ZNF512: variants seen among roughly 807,000 people sequenced by gnomAD.
The protein encoded by ZNF512 is zinc finger protein 512.
A neutral mutation model predicts 77.5 loss-of-function variants in ZNF512; 25 were observed. That is an observed-to-expected ratio of 0.32 (90% CI 0.23 to 0.45). The LOEUF is 0.45. Among genes scored for constraint, ZNF512 ranks in the 20% least tolerant of loss-of-function variants. The pLI, the probability that ZNF512 is intolerant of heterozygous loss-of-function variation, is 1.00. For missense variants in ZNF512, 483 were observed against 692.6 expected, an observed-to-expected ratio of 0.70 and a Z score of 3.40; for synonymous variants, 246 against 239.9, an observed-to-expected ratio of 1.03 and a Z score of -0.24.
intron 6 of ZNF512, among the ~76,000 whole-genome samples, chr2:27,601,078 T>G (rs10187891): frequency 6.6e-6 from 1 of 152,218 alleles, no homozygotes; most frequent in South Asian, 2.1e-4. Flanking sequence ...AAAAACCTTA[T>G]GTAGTCCATG....
rs889652921 is a variant in ZNF512, at chr2:27,623,051, G to C, written c.*1590G>C. On this transcript the variant is annotated 3_prime_UTR_variant, in exon 14 of 14. Transcript: ENST00000355467. ...GTTAATTTCTGGTGAGTAAGACCTGGGGAATGTTTGGCAATGACAAAAGAA... is the reference window on the plus strand; with the variant it reads ...GTTAATTTCTGGTGAGTAAGACCTGCGGAATGTTTGGCAATGACAAAAGAA... The C allele has an allele frequency of 2.6e-5, 4 of 152,752 alleles. No homozygotes were observed. Among genetic ancestry groups the C allele is most frequent in the Admixed American group, 6.5e-5 (1 of 15,286 alleles). The allele number at this position is 152,752 out of a possible 1,614,324, so 9.5% of individuals were successfully genotyped here.
intron 13 of ZNF512, among the ~76,000 whole-genome samples, chr2:27,619,986 A>G (rs915092201): frequency 3.3e-5 from 5 of 152,154 alleles, no homozygotes; most frequent in Non-Finnish European, 5.9e-5. Context: ...TTGATTTTTC[A>G]AATTAGGATC....
At chr2:27,598,935 C>T (rs576884690) in intron 3 of ZNF512, among the ~76,000 whole-genome samples, 3 of 152,114 alleles carry the variant, frequency 2.0e-5, no homozygotes, top group Admixed American at 6.5e-5. Context: ...TGGGTTCAAG[C>T]GATTCTCCTG....
intron 11 of ZNF512, 75 bp from the exon 12 acceptor site, chr2:27,616,187 C>T (rs952922290): frequency 2.9e-6 from 3 of 1,038,854 alleles, no homozygotes; most frequent in Non-Finnish European, 4.4e-6. Context: ...TGGAGTTGGT[C>T]AGTGTAAATG....
intron 13 of ZNF512, 27 bp downstream of exon 13, chr2:27,617,598 T>A (rs745729332): frequency 8.1e-5 from 69 of 848,782 alleles, no homozygotes; most frequent in Non-Finnish European, 1.0e-4. Flanking sequence ...CCTGTGGGCC[T>A]GATATGTAAG....
At chr2:27,596,615 A>T (rs765993072) in intron 2 of ZNF512, among the ~76,000 whole-genome samples, 1 of 152,200 alleles carries the variant, frequency 6.6e-6, no homozygotes, top group Non-Finnish European at 1.5e-5. Flanking sequence ...ACTTCTCCCA[A>T]CTTTGACTCC....
intron 10 of ZNF512, among the ~76,000 whole-genome samples, chr2:27,613,050 C>A (rs1672732230): frequency 6.6e-6 from 1 of 152,150 alleles, no homozygotes; most frequent in South Asian, 2.1e-4. Flanking sequence ...TACTGTGTTC[C>A]CACTTACCTC....
chr2:27,597,979 G>A, intron 2 of ZNF512, 88 bp from the exon 3 acceptor site: 1 of 1,112,086 alleles, frequency 9.0e-7, no homozygotes, highest in Non-Finnish European at 1.3e-6. Context: ...TTTCTGCAGA[G>A]GTAACCAACT....
At chr2:27,588,952 A>G (rs951874590) in intron 2 of ZNF512, among the ~76,000 whole-genome samples, 2 of 152,130 alleles carry the variant, frequency 1.3e-5, no homozygotes, top group African/African-American at 4.8e-5. Flanking sequence ...GTTTGTTCCC[A>G]GGTATATTAT....
intron 10 of ZNF512, among the ~76,000 whole-genome samples, chr2:27,608,895 G>A (rs541873226): frequency 6.6e-6 from 1 of 152,126 alleles, no homozygotes; most frequent in Admixed American, 6.5e-5. Flanking sequence ...TGTATCATGA[G>A]GTCAAGAGAT....
chr2:27,613,021 C>T (rs939118217), intron 10 of ZNF512, among the ~76,000 whole-genome samples: 5 of 152,178 alleles, frequency 3.3e-5, no homozygotes, highest in Middle Eastern at 3.2e-3. Context: ...CTATTCCATT[C>T]CCATTCCCCT....
rs765313875 is a variant in ZNF512 at position 27,621,273 on chromosome 2, A to T, written c.1516A>T (p.Arg506Trp). Residue 506 changes from arginine to tryptophan, a missense_variant, in exon 14 of 14, where the codon AGG (arginine) becomes TGG (tryptophan). Transcript: ENST00000355467. Reference protein sequence around the residue: ...QQHRSRRSLRRRQQPGIELPE... With the variant: ...QQHRSRRSLRWRQQPGIELPE... ...GCACAGGAGCAGAAGGTCTCTAAGA[A>T]GGCGGCAGCAGCCTGGCATTGAGCT... The T allele has an allele frequency of 1.9e-6, 3 of 1,614,244 alleles. No individual in the cohort carries two copies. Among genetic ancestry groups the T allele is most frequent in the Middle Eastern group, 1.6e-4 (1 of 6,062 alleles).
chr2:27,591,671 A>G (rs925479827), intron 2 of ZNF512, among the ~76,000 whole-genome samples: 8 of 152,198 alleles, frequency 5.3e-5, no homozygotes, highest in African/African-American at 1.9e-4. Flanking sequence ...GGCCTCCCAA[A>G]GTGTCGGGAT....
intron 2 of ZNF512, among the ~76,000 whole-genome samples, chr2:27,593,195 TAC>T (rs57568574): frequency 0.22 from 24,476 of 111,818 alleles, 2,531 homozygotes; most frequent in South Asian, 0.24. Flanking sequence ...ACCCTGTCTC[TAC>T]ACACACACAC....
intron 2 of ZNF512, among the ~76,000 whole-genome samples, chr2:27,584,765 GGGA>G (rs1671253874): frequency 6.6e-6 from 1 of 152,198 alleles, no homozygotes; most frequent in Non-Finnish European, 1.5e-5. Flanking sequence ...AAGAGTTAAT[GGGA>G]TAGTAAGTAG....
intron 2 of ZNF512, among the ~76,000 whole-genome samples, chr2:27,597,581 A>T (rs1220517462): frequency 6.6e-6 from 1 of 152,230 alleles, no homozygotes; most frequent in African/African-American, 2.4e-5. Flanking sequence ...TGTTGCCTAA[A>T]TAAGATAGGG....
intron 9 of ZNF512, among the ~76,000 whole-genome samples, chr2:27,603,907 A>T (rs961741887): frequency 6.9e-6 from 1 of 145,274 alleles, no homozygotes; most frequent in African/African-American, 2.6e-5. Context: ...CCATTATTTA[A>T]TTAATTAATT....
At chr2:27,611,500 A>G (rs957832360) in intron 10 of ZNF512, among the ~76,000 whole-genome samples, 2 of 152,104 alleles carry the variant, frequency 1.3e-5, no homozygotes, top group African/African-American at 2.4e-5. Flanking sequence ...TATGATGTTG[A>G]TATGTCTCTT....
In ZNF512 at chr2:27,615,272, G is replaced by A; in HGVS notation, c.1233+3G>A. The A allele has an allele frequency of 6.4e-7, 1 of 1,558,932 alleles. No homozygotes were observed. Among genetic ancestry groups the A allele is most frequent in the Non-Finnish European group, 8.7e-7 (1 of 1,148,870 alleles). ...ATCGTATTCAGTGTCCTAACCAGGT[G>A]GTTCTTTCTCATTCATTTATTCAGT... On this transcript the variant is annotated splice_donor_region_variant and intron_variant, in intron 11 of 13. Transcript: ENST00000355467.
Sources: gnomAD v4.1 joint callset for allele counts (sites outside exome capture counted in the v4.1 genomes callset) on GRCh38, gnomAD v4.1.1 for gene constraint, MANE v1.5 for transcripts, NCBI Gene and HGNC (gene_info 2026-07-23, HGNC 2026-07-21) for gene names.